Variants in DKK2 observed in about 807,000 individuals in gnomAD.
DKK2 encodes the protein dickkopf-related protein 2.
Under a neutral mutation model 28.1 loss-of-function variants are expected in DKK2, and 11 were observed. That is an observed-to-expected ratio of 0.39 (90% CI 0.25 to 0.65). The LOEUF is 0.65. Among genes scored for constraint, DKK2 ranks in the 30% least tolerant of loss-of-function variants. The pLI, the probability that DKK2 is intolerant of heterozygous loss-of-function variation, is 0.47. For missense variants in DKK2, 326 were observed against 335.5 expected, an observed-to-expected ratio of 0.97 and a Z score of 0.22; for synonymous variants, 135 against 126.5, an observed-to-expected ratio of 1.07 and a Z score of -0.45.
At chr4:106,989,929 T>C (rs1245497307) in intron 1 of DKK2, among the ~76,000 whole-genome samples, 1 of 152,126 alleles carries the variant, frequency 6.6e-6, no homozygotes, top group Non-Finnish European at 1.5e-5. Flanking sequence ...AAATTAATCT[T>C]AAAAATATCT....
At position 106,923,850 on chromosome 4, in the gene DKK2, T is replaced by C; in HGVS notation, c.*104A>G. The C allele has an allele frequency of 2.1e-6, 3 of 1,456,610 alleles. No individual in the cohort carries two copies. The highest frequency in any genetic ancestry group is 1.3e-5 in the South Asian group (1 of 75,780). 90.2% of individuals were successfully genotyped at this position (1,456,610 alleles called of 1,614,324 possible). A position where few individuals can be genotyped will look rare whatever the true frequency, so the allele number is the denominator to read the frequency against. On this transcript the variant is annotated 3_prime_UTR_variant, in exon 4 of 4. Transcript: ENST00000285311. Reference sequence around the variant, plus strand: ...TCATCTATATTCTTATCACGTTTCTTATTTTAGCCATTCTTCTGCATCTGA... The same window carrying C: ...TCATCTATATTCTTATCACGTTTCTCATTTTAGCCATTCTTCTGCATCTGA...
chr4:106,966,803 G>T (rs1722787285), intron 1 of DKK2, among the ~76,000 whole-genome samples: 1 of 152,154 alleles, frequency 6.6e-6, no homozygotes, highest in African/African-American at 2.4e-5. Context: ...GAAACCAACA[G>T]ATCTCATGAG....
chr4:106,934,086 C>CAT (rs1212380628), intron 1 of DKK2, among the ~76,000 whole-genome samples: 1 of 150,072 alleles, frequency 6.7e-6, no homozygotes, highest in Non-Finnish European at 1.5e-5. Flanking sequence ...CACACACACA[C>CAT]ATATGTATGT....
intron 1 of DKK2, among the ~76,000 whole-genome samples, chr4:106,979,155 G>A (rs1722991442): frequency 6.6e-6 from 1 of 152,076 alleles, no homozygotes; most frequent in Non-Finnish European, 1.5e-5. Flanking sequence ...CAGAGGAGAT[G>A]TGGTGTTGAA....
intron 1 of DKK2, among the ~76,000 whole-genome samples, chr4:106,992,331 G>A (rs979360591): frequency 3.9e-5 from 6 of 152,128 alleles, no homozygotes; most frequent in African/African-American, 9.7e-5. Context: ...TCTGATTAAC[G>A]TGTGGAATCC....
intron 1 of DKK2, among the ~76,000 whole-genome samples, chr4:107,030,854 A>G (rs1382184631): frequency 1.3e-5 from 2 of 152,020 alleles, no homozygotes; most frequent in Non-Finnish European, 2.9e-5. Context: ...GTTCTATGAC[A>G]TTGCCTTACC....
intron 1 of DKK2, among the ~76,000 whole-genome samples, chr4:106,992,106 T>C (rs1449254562): frequency 6.6e-6 from 1 of 152,172 alleles, no homozygotes; most frequent in Non-Finnish European, 1.5e-5. Flanking sequence ...TACAAGTAAA[T>C]GTAATAAGCT....
chr4:106,962,908 GA>G (rs961487177), intron 1 of DKK2, among the ~76,000 whole-genome samples: 4 of 151,306 alleles, frequency 2.6e-5, no homozygotes, highest in East Asian at 3.9e-4. Flanking sequence ...CAACTCAATA[GA>G]AAAAAAATAA....
chr4:107,022,574 T>C (rs1168017598), intron 1 of DKK2, among the ~76,000 whole-genome samples: 1 of 152,032 alleles, frequency 6.6e-6, no homozygotes, highest in Admixed American at 6.6e-5. Context: ...TTGATGACAT[T>C]GTGTGCCATG....
intron 1 of DKK2, among the ~76,000 whole-genome samples, chr4:106,963,172 G>A (rs576600198): frequency 4.6e-5 from 7 of 152,122 alleles, no homozygotes; most frequent in Admixed American, 3.3e-4. Flanking sequence ...GGCCAACACA[G>A]TGAAAACCCG....
rs573156830 is a variant in DKK2 at position 106,984,931 on chromosome 4, C to A, written c.222+50439G>T. Among the ~76,000 whole-genome samples the A allele has an allele frequency of 5.9e-5, 9 of 152,282 alleles. No homozygotes were observed. The South Asian group carries it at 1.9e-3, about 32-fold the overall frequency. ...AAACACAAAAGATTATGGGCTGGGC[C>A]GGGCACGGTGGCTCACGCCTGTAAT... On this transcript the variant is annotated intron_variant, in intron 1 of 3. Transcript: ENST00000285311.
intron 1 of DKK2, among the ~76,000 whole-genome samples, chr4:106,927,588 C>T (rs1724441759): frequency 6.6e-6 from 1 of 152,100 alleles, no homozygotes; most frequent in African/African-American, 2.4e-5. Context: ...CATTGTTCCA[C>T]TCTGTAACTC....
intron 1 of DKK2, among the ~76,000 whole-genome samples, chr4:106,939,095 T>C (rs1724648578): frequency 6.6e-6 from 1 of 152,192 alleles, no homozygotes; most frequent in African/African-American, 2.4e-5. Flanking sequence ...CAACATAGTG[T>C]TGGACGTTTT....
chr4:106,961,894 C>G (rs186821531), intron 1 of DKK2, among the ~76,000 whole-genome samples: 1 of 152,220 alleles, frequency 6.6e-6, no homozygotes, highest in Admixed American at 6.5e-5. Flanking sequence ...AAAACAATAT[C>G]TGACATTAAT....
At chr4:106,932,254 A>G (rs1228200281) in intron 1 of DKK2, among the ~76,000 whole-genome samples, 1 of 152,210 alleles carries the variant, frequency 6.6e-6, no homozygotes, top group East Asian at 1.9e-4. Flanking sequence ...CTGAATTACA[A>G]ATTAGGAATG....
intron 1 of DKK2, among the ~76,000 whole-genome samples, chr4:106,955,920 C>T (rs1015576395): frequency 6.6e-6 from 1 of 152,176 alleles, no homozygotes. Flanking sequence ...GCTCCCTGAA[C>T]TCTTTTACCT....
intron 1 of DKK2, among the ~76,000 whole-genome samples, chr4:106,941,550 T>G (rs1032477575): frequency 1.3e-5 from 2 of 152,154 alleles, no homozygotes; most frequent in Non-Finnish European, 2.9e-5. Context: ...CTCATTTCTT[T>G]GGACTGTTCA....
intron 1 of DKK2, among the ~76,000 whole-genome samples, chr4:106,932,888 G>A (rs559259351): frequency 6.6e-6 from 1 of 152,114 alleles, no homozygotes; most frequent in East Asian, 1.9e-4. Context: ...GGCAAAATTT[G>A]GAGTTATACT....
intron 1 of DKK2, among the ~76,000 whole-genome samples, chr4:106,936,195 G>C (rs1724585290): frequency 6.6e-6 from 1 of 151,932 alleles, no homozygotes; most frequent in South Asian, 2.1e-4. Flanking sequence ...TCAAACCAAA[G>C]GCAAAGAAGT....
Sources: allele counts gnomAD v4.1 joint callset (sites outside exome capture counted in the v4.1 genomes callset), GRCh38; gene constraint gnomAD v4.1.1; transcripts MANE v1.5; gene names NCBI Gene and HGNC (gene_info 2026-07-23, HGNC 2026-07-21).